OCEL1: variants seen among roughly 807,000 people sequenced by gnomAD.
The protein encoded by OCEL1 is occludin/ELL domain containing 1.
OCEL1 carries 24 observed loss-of-function variants against 29.4 expected under a neutral mutation model. The observed-to-expected ratio is 0.82, with a 90% CI of 0.59 to 1.15. The LOEUF (loss-of-function observed/expected upper bound fraction) is 1.15. Among genes scored for constraint, OCEL1 ranks in the 50% most tolerant of loss-of-function variants. The pLI is 0.00. For synonymous variants in OCEL1, 172 were observed against 145.3 expected, an observed-to-expected ratio of 1.18 and a Z score of -1.32; for missense variants, 402 against 352.5, an observed-to-expected ratio of 1.14 and a Z score of -1.13.
intron 2 of OCEL1, 24 bp downstream of exon 2, chr19:17,226,893 C>T: frequency 6.6e-7 from 1 of 1,512,968 alleles, no homozygotes; most frequent in Non-Finnish European, 8.8e-7. Context: ...GGAGGGGGTC[C>T]CCAGGCCGGG....
In OCEL1 at chr19:17,227,024, A is replaced by C; in HGVS notation, c.277A>C (p.Thr93Pro). The change falls in exon 3 of 6, where the codon ACC becomes CCC. Residue 93 changes from threonine (T) to proline (P), a missense_variant. Coordinates refer to ENST00000215061, the MANE Select transcript of OCEL1 (RefSeq NM_024578.3). The part of the protein sequence containing the change: ...LQGLAPRGLK[T>P]SAPRPPCQPQ... Reference sequence around the variant, plus strand: ...GGGACTGGCGCCCCGAGGCCTCAAAACCAGCGCCCCCCGCCCTCCGTGCCA... The same window carrying C: ...GGGACTGGCGCCCCGAGGCCTCAAACCCAGCGCCCCCCGCCCTCCGTGCCA... 1.3e-6 allele frequency: 2 copies of C among 1,592,486 alleles called. No homozygotes were observed. Among genetic ancestry groups the C allele is most frequent in the South Asian group, 1.1e-5 (1 of 88,172 alleles).
Position 17,228,386 on chromosome 19 carries a change from T to C in OCEL1, c.672+77T>C, listed in dbSNP as rs765901204. On this transcript the variant is annotated intron_variant, in intron 5 of 5. Transcript: ENST00000215061. ...GCTGGGGTGCCTGTGCCCAGTTTCT[T>C]TTTTTTTTCTTTCTTTTGAGACAGA... 13 of 1,355,320 alleles carry C rather than the reference T, an allele frequency of 9.6e-6. No individual in the cohort carries two copies. The South Asian group carries it at 1.3e-4, about 13-fold the overall frequency. The allele number at this position is 1,355,320 out of a possible 1,614,324, so 84.0% of individuals were successfully genotyped here.
At position 17,227,058 on chromosome 19, in the gene OCEL1, C is replaced by CG. The variant is rs2073368409; in HGVS notation, c.314dup (p.Pro106ThrfsTer12). The CG allele has an allele frequency of 1.9e-6, 3 of 1,609,466 alleles. No individual in the cohort carries two copies. The highest frequency in any genetic ancestry group is 1.7e-4 in the Middle Eastern group (1 of 6,044). Reference sequence around the variant, plus strand: ...CCCCGCCCTCCGTGCCAGCCCCAGCCGGGACCCCACAAGGCAAAGACCAAG... The same window carrying CG: ...CCCCGCCCTCCGTGCCAGCCCCAGCCGGGGACCCCACAAGGCAAAGACCAAG... On this transcript the variant is annotated frameshift_variant, in exon 3 of 6. Coordinates refer to ENST00000215061, the MANE Select transcript of OCEL1 (RefSeq NM_024578.3). LOFTEE classifies it high-confidence loss of function.
chr19:17,226,906 T>C (rs751214917), intron 2 of OCEL1, 37 bp downstream of exon 2: 1 of 1,512,898 alleles, frequency 6.6e-7, no homozygotes, highest in Non-Finnish European at 8.8e-7. Flanking sequence ...AGGCCGGGCC[T>C]CTAGGCAAAA....
In OCEL1 at chr19:17,226,339, C is replaced by T. The variant is rs751413818; in HGVS notation, c.69+23C>T. The T allele has an allele frequency of 1.0e-4, 161 of 1,607,096 alleles. No homozygotes were observed. The South Asian group carries it at 1.4e-3, about 14-fold the overall frequency. The stretch of plus-strand genomic sequence containing the variant: ...CAGGTGACCCGGGGCGGTAGCGAGC[C>T]GGACGGCCTTGCAGGTGGGGCGGAG... On this transcript the variant is annotated intron_variant, in intron 1 of 5. Coordinates refer to ENST00000215061, the MANE Select transcript of OCEL1 (RefSeq NM_024578.3).
chr19:17,228,384 CTTT>C, intron 5 of OCEL1, 75 bp downstream of exon 5: 4 of 1,280,948 alleles, frequency 3.1e-6, no homozygotes, highest in South Asian at 2.7e-5. Context: ...TGCCCAGTTT[CTTT>C]TTTTTTTCTT....
chr19:17,226,905 C>G (rs998185154), intron 2 of OCEL1, 36 bp downstream of exon 2: 9 of 1,516,056 alleles, frequency 5.9e-6, no homozygotes, highest in Non-Finnish European at 7.9e-6. Flanking sequence ...CAGGCCGGGC[C>G]TCTAGGCAAA....
At position 17,228,919 on chromosome 19, in the gene OCEL1, C is replaced by G; in HGVS notation, c.789C>G (p.Tyr263Ter). 1 of 1,612,548 alleles carries G rather than the reference C, an allele frequency of 6.2e-7. No individual in the cohort carries two copies. The highest frequency in any genetic ancestry group is 1.1e-5 in the South Asian group (1 of 91,064). Residue 263 changes from tyrosine to a stop codon, truncating the protein, a stop_gained, in exon 6 of 6, where the codon TAC becomes TAG. Transcript: ENST00000215061. LOFTEE classifies it high-confidence loss of function. ...DDQGDSEGSVYF is the reference protein window; with the variant it reads ...DDQGDSEGSV ...AAGGAGACAGCGAGGGCTCCGTGTACTTCTAAGTGCCCCTGCAGATGGGCA... is the reference window on the plus strand; with the variant it reads ...AAGGAGACAGCGAGGGCTCCGTGTAGTTCTAAGTGCCCCTGCAGATGGGCA...
rs374530270 is a variant in OCEL1, at chr19:17,227,878, G to A, written c.491G>A (p.Arg164His). Residue 164 changes from arginine (R) to histidine (H), a missense_variant, in exon 4 of 6, where the codon CGC (arginine) becomes CAC (histidine). Coordinates refer to ENST00000215061, the MANE Select transcript of OCEL1 (RefSeq NM_024578.3). ...GTGAGCAGTGAGAGGGAACGGAGCC[G>A]CTATGTCGCAGTGTTCCAGGACCAG... ...PPVSSERERS[R>H]YVAVFQDQYG... 10 of 1,613,914 alleles carry A rather than the reference G, an allele frequency of 6.2e-6. No individual in the cohort carries two copies. Among genetic ancestry groups the A allele is most frequent in the East Asian group, 4.5e-5 (2 of 44,882 alleles).
chr19:17,226,924 C>T (rs3745164), intron 2 of OCEL1, 55 bp downstream of exon 2: 204,064 of 1,517,478 alleles, frequency 0.13, 15,940 homozygotes, highest in African/African-American at 0.28. Context: ...AAAGATTTAG[C>T]CCCTCCAGTT....
chr19:17,227,067 A>T lies in OCEL1; in HGVS notation c.320A>T (p.His107Leu). 1.2e-6 allele frequency: 2 copies of T among 1,609,322 alleles called. No homozygotes were observed. The highest frequency in any genetic ancestry group is 3.4e-5 in the Admixed American group (2 of 58,150). ...RPPCQPQPGP[H>L]KAKTKKIVFE... ...CCGTGCCAGCCCCAGCCGGGACCCC[A>T]CAAGGCAAAGACCAAGAAGATTGTG... Residue 107 changes from histidine to leucine, a missense_variant, in exon 3 of 6, where the codon CAC becomes CTC. Physicochemically the swap from His to Leu is moderately conservative, Grantham distance 99. Coordinates refer to ENST00000215061, the MANE Select transcript of OCEL1 (RefSeq NM_024578.3).
In OCEL1 at chr19:17,228,512, C is replaced by G. The variant is rs770037314; in HGVS notation, c.672+203C>G. 16 of 622,556 alleles carry G rather than the reference C, an allele frequency of 2.6e-5. No individual in the cohort carries two copies. In the East Asian group the frequency reaches 4.4e-4, roughly 17 times the overall value. 38.6% of individuals were successfully genotyped at this position (622,556 alleles called of 1,614,324 possible). A position where few individuals can be genotyped will look rare whatever the true frequency, so the allele number is the denominator to read the frequency against. On this transcript the variant is annotated intron_variant, in intron 5 of 5. Coordinates refer to ENST00000215061, the MANE Select transcript of OCEL1 (RefSeq NM_024578.3). The stretch of plus-strand genomic sequence containing the variant: ...GCGGTTCTCCTGCCTCAGCTGGGAT[C>G]ACAGGCGCCCACCACCGTGCCTGGC...
intron 5 of OCEL1, 32 bp downstream of exon 5, chr19:17,228,341 A>G (rs2073381440): frequency 6.2e-7 from 1 of 1,608,668 alleles, no homozygotes; most frequent in Non-Finnish European, 8.5e-7. Context: ...TTGGTCTTGC[A>G]CCCCTGAGAC....
chr19:17,228,089 T>A lies in OCEL1; in HGVS notation c.618+84T>A, dbSNP rs1006657553. On this transcript the variant is annotated intron_variant, in intron 4 of 5. Coordinates refer to ENST00000215061, the MANE Select transcript of OCEL1 (RefSeq NM_024578.3). ...TCTGGGACACCCACTGGGTCCAGAT[T>A]TCCAGGACTCTTTCTCCTCTCGGTT... The A allele has an allele frequency of 1.4e-5, 22 of 1,563,030 alleles. No individual in the cohort carries two copies. In the East Asian group the frequency reaches 4.5e-4, roughly 32 times the overall value.
Position 17,226,732 on chromosome 19 carries a change from G to A in OCEL1, c.109G>A (p.Ala37Thr), listed in dbSNP as rs2073363666. The change falls in exon 2 of 6, where the codon GCC (alanine) becomes ACC (threonine). Residue 37 changes from alanine to threonine, a missense_variant. Physicochemically the swap from Ala to Thr is moderately conservative, Grantham distance 58. Coordinates refer to ENST00000215061, the MANE Select transcript of OCEL1 (RefSeq NM_024578.3). ...ACCCCCGCCGCGCGCGGGACACGACGCCCCCCGCAGGACCCGCCCATCAGC... is the reference window on the plus strand; with the variant it reads ...ACCCCCGCCGCGCGCGGGACACGACACCCCCCGCAGGACCCGCCCATCAGC... ...RPPPPRAGHD[A>T]PRRTRPSARK... 1 of 1,538,960 alleles carries A rather than the reference G, an allele frequency of 6.5e-7. No individual in the cohort carries two copies. The highest frequency in any genetic ancestry group is 2.0e-5 in the Admixed American group (1 of 49,240).
Position 17,227,121 on chromosome 19 carries a change from T to A in OCEL1, c.374T>A (p.Leu125His). 1 of 1,601,842 alleles carries A rather than the reference T, an allele frequency of 6.2e-7. No individual in the cohort carries two copies. Among genetic ancestry groups the A allele is most frequent in the Non-Finnish European group, 8.5e-7 (1 of 1,176,928 alleles). Reference sequence around the variant, plus strand: ...GAGGATGAGTTGCTCTCCCAGGCCCTCCTGGGCGCCAAGAAGCCTATTGGA... The same window carrying A: ...GAGGATGAGTTGCTCTCCCAGGCCCACCTGGGCGCCAAGAAGCCTATTGGA... ...VFEDELLSQA[L>H]LGAKKPIGAI... The change falls in exon 3 of 6, where the codon CTC becomes CAC. Residue 125 changes from leucine to histidine, a missense_variant. Leu to His is a moderately conservative substitution (Grantham distance 99). Transcript: ENST00000215061.
In OCEL1 at chr19:17,228,923, T is replaced by C. The variant is rs1430461672; in HGVS notation, c.793T>C (p.Ter265GlnextTer67). 2 of 1,612,192 alleles carry C rather than the reference T, an allele frequency of 1.2e-6. No individual in the cohort carries two copies. Among genetic ancestry groups the C allele is most frequent in the Admixed American group, 1.7e-5 (1 of 59,972 alleles). ...QGDSEGSVYF[*>Q] The stretch of plus-strand genomic sequence containing the variant: ...AGACAGCGAGGGCTCCGTGTACTTC[T>C]AAGTGCCCCTGCAGATGGGCAGAGG... The change falls in exon 6 of 6, where the codon TAA becomes CAA. Residue 265 changes from the stop codon to glutamine, a stop_lost. Coordinates refer to ENST00000215061, the MANE Select transcript of OCEL1 (RefSeq NM_024578.3).
chr19:17,227,517 C>G (rs972497105), intron 3 of OCEL1, among the ~76,000 whole-genome samples: 7 of 152,120 alleles, frequency 4.6e-5, no homozygotes, highest in Non-Finnish European at 8.8e-5. Flanking sequence ...ATTGTGAAAC[C>G]CCGTCTCTAC....
Position 17,226,712 on chromosome 19 carries a change from C to T in OCEL1, c.89C>T (p.Pro30Leu). ...CCACAGGCCGCCCGCAGACCACCCC[C>T]GCCGCGCGCGGGACACGACGCCCCC... Reference protein sequence around the residue: ...TLGQAARRPPPPRAGHDAPRR... With the variant: ...TLGQAARRPPLPRAGHDAPRR... Residue 30 changes from proline (P) to leucine (L), a missense_variant, in exon 2 of 6, where the codon CCG (proline) becomes CTG (leucine). Transcript: ENST00000215061. 13 of 1,508,324 alleles carry T rather than the reference C, an allele frequency of 8.6e-6. No homozygotes were observed. The highest frequency in any genetic ancestry group is 1.1e-5 in the Non-Finnish European group (13 of 1,137,258). 93.4% of individuals were successfully genotyped at this position (1,508,324 alleles called of 1,614,324 possible).
Sources: gnomAD v4.1 joint callset for allele counts (sites outside exome capture counted in the v4.1 genomes callset) on GRCh38, gnomAD v4.1.1 for gene constraint, MANE v1.5 for transcripts, NCBI Gene and HGNC (gene_info 2026-07-23, HGNC 2026-07-21) for gene names.